SAMD12: variants seen among roughly 807,000 people sequenced by gnomAD.
The protein encoded by SAMD12 is sterile alpha motif domain containing 12, also known as sterile alpha motif domain-containing protein 12.
Under a neutral mutation model 15.0 loss-of-function variants are expected in SAMD12, and 9 were observed. That is an observed-to-expected ratio of 0.60 (90% confidence interval 0.36 to 1.05). The LOEUF is 1.05. Among genes scored for constraint, SAMD12 ranks in the 50% least tolerant of loss-of-function variants. SAMD12 has a pLI of 0.01. For missense variants in SAMD12, 230 were observed against 234.2 expected, an observed-to-expected ratio of 0.98 and a Z score of 0.12; for synonymous variants, 86 against 90.1, an observed-to-expected ratio of 0.96 and a Z score of 0.25.
chr8:118,439,764 T>C (rs1216536316), intron 3 of SAMD12, 68 bp downstream of exon 3: 3 of 1,481,274 alleles, frequency 2.0e-6, no homozygotes, highest in Non-Finnish European at 2.8e-6. Flanking sequence ...ATGGTAAGGG[T>C]ATGGGAAAGG....
intron 4 of SAMD12, among the ~76,000 whole-genome samples, chr8:118,292,602 G>A (rs377044236): frequency 2.2e-4 from 33 of 151,758 alleles, no homozygotes; most frequent in Admixed American, 1.2e-3. Flanking sequence ...ACATGCACAC[G>A]TATGTTTATT....
intron 4 of SAMD12, among the ~76,000 whole-genome samples, chr8:118,325,275 T>C (rs1816513250): frequency 4.6e-5 from 7 of 152,172 alleles, no homozygotes; most frequent in Admixed American, 4.6e-4. Context: ...ATGTAGCTTC[T>C]TGGGACATGC....
intron 4 of SAMD12, among the ~76,000 whole-genome samples, chr8:118,315,894 C>T (rs1160614884): frequency 3.3e-5 from 5 of 152,124 alleles, no homozygotes; most frequent in Admixed American, 6.5e-5. Flanking sequence ...CCCCTGAGAG[C>T]TGCAGTCCCA....
chr8:118,401,362 T>C (rs957941136), intron 3 of SAMD12, among the ~76,000 whole-genome samples: 1 of 152,100 alleles, frequency 6.6e-6, no homozygotes, highest in Non-Finnish European at 1.5e-5. Flanking sequence ...TATTTCTGCA[T>C]TGGATTATGA....
intron 3 of SAMD12, among the ~76,000 whole-genome samples, chr8:118,436,634 A>G (rs1221733994): frequency 6.6e-6 from 1 of 152,234 alleles, no homozygotes; most frequent in Non-Finnish European, 1.5e-5. Flanking sequence ...GAATCTAAGC[A>G]TAAATAAGAG....
intron 2 of SAMD12, among the ~76,000 whole-genome samples, chr8:118,470,264 A>G (rs1463519462): frequency 6.6e-6 from 1 of 151,796 alleles, no homozygotes. Flanking sequence ...TTTTAAAAAA[A>G]AAGGAGGTTT....
chr8:118,388,116 G>A (rs1445489425), intron 3 of SAMD12, among the ~76,000 whole-genome samples: 2 of 152,198 alleles, frequency 1.3e-5, no homozygotes, highest in African/African-American at 4.8e-5. Context: ...TGGTTAGTAG[G>A]AAGAGCATTC....
chr8:118,158,295 C>G, the SAMD12 span, among the ~76,000 whole-genome samples: 1 of 152,260 alleles, frequency 6.6e-6, no homozygotes, highest in Non-Finnish European at 1.5e-5. Flanking sequence ...TGAAGATTGC[C>G]TGCTTACACC....
intron 4 of SAMD12, among the ~76,000 whole-genome samples, chr8:118,306,378 T>C (rs1006908996): frequency 6.6e-6 from 1 of 152,200 alleles, no homozygotes; most frequent in Non-Finnish European, 1.5e-5. Context: ...AGCATGGCCA[T>C]GTGAACAAGT....
chr8:118,342,032 G>A lies in SAMD12; in HGVS notation c.433+37528C>T, dbSNP rs988067452. 2.6e-5 allele frequency among the ~76,000 whole-genome samples: 4 copies of A among 152,216 alleles called. 1 individual carries two copies. The highest frequency in any genetic ancestry group is 2.6e-4 in the Admixed American group (4 of 15,286). On this transcript the variant is annotated intron_variant, in intron 4 of 4. Coordinates refer to the SAMD12 transcript ENST00000409003. Reference sequence around the variant, plus strand: ...AGGCCTGGTGTGGTGGCTTATGCCTGTAATCCCAGCACTTTGGGAGGCCAA... The same window carrying A: ...AGGCCTGGTGTGGTGGCTTATGCCTATAATCCCAGCACTTTGGGAGGCCAA...
At chr8:118,451,492 C>G (rs1229879773) in intron 2 of SAMD12, among the ~76,000 whole-genome samples, 2 of 152,150 alleles carry the variant, frequency 1.3e-5, no homozygotes, top group Admixed American at 6.5e-5. Flanking sequence ...CTCAATTATA[C>G]CACTATTAAA....
chr8:118,405,642 A>G (rs933697923), intron 3 of SAMD12, among the ~76,000 whole-genome samples: 1 of 151,906 alleles, frequency 6.6e-6, no homozygotes, highest in Non-Finnish European at 1.5e-5. Context: ...TAAGATTTGT[A>G]TACTTTACTA....
chr8:118,318,244 T>C (rs1375627668), intron 4 of SAMD12, among the ~76,000 whole-genome samples: 1 of 149,610 alleles, frequency 6.7e-6, no homozygotes, highest in Non-Finnish European at 1.5e-5. Flanking sequence ...CGTGCACACA[T>C]ATGTTTATTG....
intron 2 of SAMD12, among the ~76,000 whole-genome samples, chr8:118,447,943 T>C (rs1822968038): frequency 1.3e-5 from 2 of 151,720 alleles, no homozygotes; most frequent in East Asian, 3.9e-4. Flanking sequence ...TTAGCCAAGA[T>C]GGTCTTGATC....
chr8:118,500,797 C>T (rs1824762140), intron 2 of SAMD12, among the ~76,000 whole-genome samples: 1 of 152,178 alleles, frequency 6.6e-6, no homozygotes, highest in Non-Finnish European at 1.5e-5. Flanking sequence ...CAGAGGGAAA[C>T]TCTGTCTTAA....
intron 2 of SAMD12, among the ~76,000 whole-genome samples, chr8:118,576,031 G>A (rs553961207): frequency 6.6e-6 from 1 of 151,980 alleles, no homozygotes; most frequent in Admixed American, 6.6e-5. Flanking sequence ...GTCCACTCAG[G>A]TCCAAGGATG....
chr8:118,502,438 C>CA lies in SAMD12; in HGVS notation c.193-62478dup, dbSNP rs200938421. ...TGATGAATGTCCTAATTCACATAGA[C>CA]AAAAAAAAATCATTTACAATTATTT... On this transcript the variant is annotated intron_variant, in intron 2 of 3. Transcript: ENST00000314727. Among the ~76,000 whole-genome samples, 1,214 of 150,394 alleles carry CA rather than the reference C, an allele frequency of 8.1e-3. 13 individuals are homozygous for CA. The highest frequency in any genetic ancestry group is 0.026 in the African/African-American group (1,063 of 41,046).
At chr8:118,462,994 A>G (rs955296379) in intron 2 of SAMD12, among the ~76,000 whole-genome samples, 39 of 150,494 alleles carry the variant, frequency 2.6e-4, no homozygotes, top group African/African-American at 9.0e-4. Flanking sequence ...CCAGCTACAC[A>G]GGAGGCTGAG....
chr8:118,480,547 A>G (rs748692571), intron 2 of SAMD12, among the ~76,000 whole-genome samples: 2 of 152,250 alleles, frequency 1.3e-5, no homozygotes, highest in Non-Finnish European at 2.9e-5. Context: ...CAAATTAATC[A>G]TTAAGTAACC....
Sources: allele counts gnomAD v4.1 joint callset (sites outside exome capture counted in the v4.1 genomes callset), GRCh38; gene constraint gnomAD v4.1.1; transcripts MANE v1.5; gene names NCBI Gene and HGNC (gene_info 2026-07-23, HGNC 2026-07-21).